Variants in PCDH9 observed in about 807,000 individuals in gnomAD.
PCDH9 encodes protocadherin 9.
In PCDH9, 24 loss-of-function variants were observed where a neutral mutation model predicts 70.6. The ratio of observed to expected loss-of-function variants is 0.34; its 90% confidence interval spans 0.25 to 0.48. PCDH9 has a LOEUF of 0.48. PCDH9 is among the 20% of genes least tolerant of loss of function. The pLI, the probability that PCDH9 is intolerant of heterozygous loss-of-function variation, is 0.99. For synonymous variants in PCDH9, 562 were observed against 558.5 expected (o/e 1.01, Z -0.09); for missense variants, 1,281 against 1,503.6 (o/e 0.85, Z 2.45).
intron 3 of PCDH9, among the ~76,000 whole-genome samples, chr13:66,713,655 T>TATATATATATATATATG (rs1474635736): frequency 1.6e-5 from 1 of 63,628 alleles, no homozygotes; most frequent in African/African-American, 6.1e-5. Context: ...ATATATATAA[T>TATATATATATATATATG]GTACACACAC....
At chr13:67,022,301 TG>T (rs1359564573) in intron 2 of PCDH9, among the ~76,000 whole-genome samples, 1 of 151,724 alleles carries the variant, frequency 6.6e-6, no homozygotes, top group Non-Finnish European at 1.5e-5. Flanking sequence ...TTTGTATTTT[TG>T]TAGAGATGGG....
intron 4 of PCDH9, among the ~76,000 whole-genome samples, chr13:66,516,766 G>T (rs1959755930): frequency 6.6e-6 from 1 of 151,788 alleles, no homozygotes; most frequent in Admixed American, 6.6e-5. Flanking sequence ...GTCTATGTGT[G>T]TGTGTGCTTG....
chr13:66,444,189 A>G (rs1235311321), intron 4 of PCDH9, among the ~76,000 whole-genome samples: 1 of 152,194 alleles, frequency 6.6e-6, no homozygotes, highest in Non-Finnish European at 1.5e-5. Context: ...AGCTTCCACA[A>G]GAAACTTTAA....
intron 2 of PCDH9, among the ~76,000 whole-genome samples, chr13:67,122,170 T>C (rs1329083468): frequency 2.0e-5 from 3 of 152,164 alleles, no homozygotes; most frequent in Admixed American, 2.0e-4. Context: ...CCTCACATGG[T>C]AGAGACGCCT....
intron 2 of PCDH9, among the ~76,000 whole-genome samples, chr13:66,935,153 G>A (rs900513905): frequency 2.0e-5 from 3 of 151,738 alleles, no homozygotes; most frequent in Non-Finnish European, 2.9e-5. Flanking sequence ...CTCGACACCC[G>A]GGGCTCAAGC....
chr13:66,608,857 G>A (rs923461631), intron 4 of PCDH9, among the ~76,000 whole-genome samples: 1 of 152,162 alleles, frequency 6.6e-6, no homozygotes, highest in South Asian at 2.1e-4. Context: ...TGAATTGTAA[G>A]AAGAAAAATG....
chr13:66,894,773 T>C (rs1029153737), intron 3 of PCDH9, among the ~76,000 whole-genome samples: 8 of 152,138 alleles, frequency 5.3e-5, no homozygotes, highest in Admixed American at 1.3e-4. Flanking sequence ...AAACCTCTAA[T>C]ATATACATAT....
intron 4 of PCDH9, among the ~76,000 whole-genome samples, chr13:66,368,811 G>T (rs914430716): frequency 6.6e-6 from 1 of 152,000 alleles, no homozygotes; most frequent in Non-Finnish European, 1.5e-5. Context: ...AGCAAGTCAC[G>T]TCTTACATGG....
intron 3 of PCDH9, among the ~76,000 whole-genome samples, chr13:66,766,645 AG>A (rs1261822339): frequency 6.6e-6 from 1 of 151,836 alleles, no homozygotes; most frequent in Non-Finnish European, 1.5e-5. Context: ...GGGAAGGGAA[AG>A]GGGAAAGGGA....
At chr13:66,432,541 T>C (rs1957790629) in intron 4 of PCDH9, among the ~76,000 whole-genome samples, 1 of 151,980 alleles carries the variant, frequency 6.6e-6, no homozygotes, top group South Asian at 2.1e-4. Flanking sequence ...TAATGTTTCA[T>C]CATGAAAGGC....
chr13:67,119,154 T>C (rs1350814641), intron 2 of PCDH9, among the ~76,000 whole-genome samples: 2 of 152,180 alleles, frequency 1.3e-5, no homozygotes, highest in African/African-American at 2.4e-5. Context: ...CCTAAAGCCT[T>C]ACAATGTTTA....
intron 2 of PCDH9, among the ~76,000 whole-genome samples, chr13:66,991,389 CA>C (rs1024086450): frequency 2.0e-5 from 3 of 151,384 alleles, no homozygotes; most frequent in African/African-American, 7.3e-5. Flanking sequence ...GTAGTCTTAC[CA>C]AAATTAACTG....
chr13:67,043,337 T>C (rs930898894), intron 2 of PCDH9, among the ~76,000 whole-genome samples: 2 of 152,164 alleles, frequency 1.3e-5, no homozygotes, highest in Admixed American at 6.5e-5. Flanking sequence ...AGCAAGCCAG[T>C]TGAAGTCGAT....
intron 3 of PCDH9, among the ~76,000 whole-genome samples, chr13:66,700,130 G>GT (rs1479013352): frequency 2.6e-5 from 4 of 152,042 alleles, no homozygotes; most frequent in African/African-American, 9.7e-5. Context: ...TGCACCTACT[G>GT]TAGCAAACCC....
intron 3 of PCDH9, among the ~76,000 whole-genome samples, chr13:66,737,108 G>A (rs942056521): frequency 3.3e-5 from 5 of 152,182 alleles, no homozygotes; most frequent in African/African-American, 7.2e-5. Flanking sequence ...TAAAATGCAA[G>A]TGAGAAGATG....
intron 3 of PCDH9, among the ~76,000 whole-genome samples, chr13:66,852,266 C>T (rs1163589180): frequency 6.6e-6 from 1 of 152,008 alleles, no homozygotes; most frequent in Non-Finnish European, 1.5e-5. Context: ...ATGTTGCCCA[C>T]TCACTAACAG....
intron 2 of PCDH9, among the ~76,000 whole-genome samples, chr13:66,963,128 G>T (rs1180081319): frequency 6.6e-6 from 1 of 152,132 alleles, no homozygotes; most frequent in Non-Finnish European, 1.5e-5. Context: ...TGATCTGATG[G>T]GAGGCAGAGC....
rs549590270 is a variant in PCDH9, at chr13:66,768,028, C to A, written c.3138+135476G>T. ...TTCCGTGGAAAAGATGAGGATTGAG[C>A]AAGCTCTAGAGTCAAGCAAGGTCCC... On this transcript the variant is annotated intron_variant, in intron 3 of 4. Transcript: ENST00000377865. Among the ~76,000 whole-genome samples the A allele has an allele frequency of 2.0e-5, 3 of 152,154 alleles. No individual in the cohort carries two copies. The East Asian group carries it at 5.8e-4, about 29-fold the overall frequency.
intron 3 of PCDH9, among the ~76,000 whole-genome samples, chr13:66,724,508 G>T (rs1358124216): frequency 6.6e-6 from 1 of 152,166 alleles, no homozygotes; most frequent in Non-Finnish European, 1.5e-5. Flanking sequence ...GAATGAAGGT[G>T]CAAAGTCTCT....
Sources: gnomAD v4.1 joint callset for allele counts (sites outside exome capture counted in the v4.1 genomes callset) on GRCh38, gnomAD v4.1.1 for gene constraint, MANE v1.5 for transcripts, NCBI Gene and HGNC (gene_info 2026-07-23, HGNC 2026-07-21) for gene names.